The following PPP1CB variants were observed in gnomAD, a reference collection of about 807,000 sequenced individuals.
PPP1CB encodes the protein serine/threonine-protein phosphatase PP1-beta catalytic subunit.
A neutral mutation model predicts 43.7 loss-of-function variants in PPP1CB; 2 were observed. The ratio of observed to expected loss-of-function variants is 0.05; its 90% CI spans 0.02 to 0.14. PPP1CB has a LOEUF of 0.14. Ranked by LOEUF, PPP1CB falls within the 10% of genes least tolerant of loss-of-function variation. The pLI is 1.00. For synonymous variants in PPP1CB, 136 were observed against 135.6 expected (o/e 1.00, Z -0.02); for missense variants, 84 against 398.0 (o/e 0.21, Z 6.71).
rs1174044949 is a variant in PPP1CB, at chr2:28,799,451, T to G, written c.*148T>G. 5.2e-6 allele frequency: 3 copies of G among 582,274 alleles called. No individual in the cohort carries two copies. The highest frequency in any genetic ancestry group is 9.0e-6 in the Non-Finnish European group (3 of 334,558). 36.1% of individuals were successfully genotyped at this position (582,274 alleles called of 1,614,324 possible). On this transcript the variant is annotated 3_prime_UTR_variant, in exon 8 of 8. Coordinates refer to ENST00000395366, the MANE Select transcript of PPP1CB (RefSeq NM_002709.3). ...GGAGACGGGTAAAGGATCTTAAATT[T>G]TTTTCTAATAGAAAGATGTGCTACA...
chr2:28,784,783 G>A (rs1667224598), intron 5 of PPP1CB, among the ~76,000 whole-genome samples: 1 of 151,554 alleles, frequency 6.6e-6, no homozygotes, highest in African/African-American at 2.4e-5. Context: ...AGCTGGGCAT[G>A]GTGGTGCGTT....
At chr2:28,761,004 G>A (rs894451124) in intron 1 of PPP1CB, among the ~76,000 whole-genome samples, 4 of 152,230 alleles carry the variant, frequency 2.6e-5, no homozygotes, top group South Asian at 2.1e-4. Flanking sequence ...GGGTTCTAGC[G>A]ATTCTCCTGC....
At chr2:28,792,802 C>G (rs962034008) in intron 6 of PPP1CB, among the ~76,000 whole-genome samples, 3 of 151,940 alleles carry the variant, frequency 2.0e-5, no homozygotes, top group Admixed American at 2.0e-4. Context: ...GTAATCTTGC[C>G]CACCGTAAAT....
intron 1 of PPP1CB, among the ~76,000 whole-genome samples, chr2:28,760,692 T>C (rs1666622196): frequency 1.3e-5 from 2 of 152,204 alleles, no homozygotes; most frequent in Admixed American, 1.3e-4. Context: ...ATCTAAGTTT[T>C]CATAATAAAA....
intron 1 of PPP1CB, among the ~76,000 whole-genome samples, chr2:28,767,524 A>T (rs77858970): frequency 0.027 from 4,089 of 152,296 alleles, 97 homozygotes; most frequent in East Asian, 0.068. Context: ...AAAATGTTGC[A>T]GTACAGCAAT....
intron 1 of PPP1CB, among the ~76,000 whole-genome samples, chr2:28,752,824 C>G (rs4666119): frequency 0.66 from 100,780 of 152,142 alleles, 33,584 homozygotes; most frequent in South Asian, 0.74. Flanking sequence ...GAAGATGCAC[C>G]TAAGAAATGT....
At chr2:28,794,815 G>A (rs146094266) in intron 7 of PPP1CB, among the ~76,000 whole-genome samples, 15 of 152,020 alleles carry the variant, frequency 9.9e-5, no homozygotes, top group African/African-American at 3.6e-4. Flanking sequence ...TACCATGTAC[G>A]GGGGGTTGTT....
chr2:28,799,193 T>C lies in PPP1CB; in HGVS notation c.880-6T>C. On this transcript the variant is annotated splice_polypyrimidine_tract_variant and splice_region_variant and intron_variant, in intron 7 of 7. Transcript: ENST00000395366. ...ATAACATTATTTGTTAATAATTTAC[T>C]TTAAGATATTGAAACCATCTGAAAA... 1.3e-6 allele frequency: 2 copies of C among 1,523,562 alleles called. No homozygotes were observed. The highest frequency in any genetic ancestry group is 1.4e-5 in the African/African-American group (1 of 72,176). The allele number at this position is 1,523,562 out of a possible 1,614,324, so 94.4% of individuals were successfully genotyped here. A position where few individuals can be genotyped will look rare whatever the true frequency, so the allele number is the denominator to read the frequency against.
intron 1 of PPP1CB, among the ~76,000 whole-genome samples, chr2:28,753,143 G>C (rs1666373498): frequency 6.6e-6 from 1 of 152,150 alleles, no homozygotes; most frequent in Non-Finnish European, 1.5e-5. Context: ...CTACCCTAAA[G>C]TTTTCGTCAT....
intron 1 of PPP1CB, among the ~76,000 whole-genome samples, chr2:28,757,725 A>G (rs1666526689): frequency 6.6e-6 from 1 of 152,130 alleles, no homozygotes; most frequent in African/African-American, 2.4e-5. Context: ...ACTGATTCAG[A>G]GATTAGGTGT....
chr2:28,793,964 G>A lies in PPP1CB; in HGVS notation c.846G>A (p.Met282Ile). The A allele has an allele frequency of 6.2e-7, 1 of 1,614,034 alleles. No individual in the cohort carries two copies. The highest frequency in any genetic ancestry group is 8.5e-7 in the Non-Finnish European group (1 of 1,179,932). The change falls in exon 7 of 8, where the codon ATG becomes ATA. Residue 282 changes from methionine to isoleucine, a missense_variant. Physicochemically the swap from Met to Ile is conservative, Grantham distance 10. Around this residue, in one of 5 missense-constraint regions of PPP1CB, gnomAD observed 4 missense variants for 72.9 expected, o/e 0.05. Coordinates refer to ENST00000395366, the MANE Select transcript of PPP1CB (RefSeq NM_002709.3). ...AGTTTGATAATGCTGGTGGAATGAT[G>A]AGTGTGGATGAAACTTTGATGTGTT... ...CGEFDNAGGM[M>I]SVDETLMCSF...
At chr2:28,765,625 G>C (rs1666763169) in intron 1 of PPP1CB, among the ~76,000 whole-genome samples, 1 of 152,238 alleles carries the variant, frequency 6.6e-6, no homozygotes, top group African/African-American at 2.4e-5. Context: ...TATGTATAAA[G>C]CAGTTTGCTG....
At chr2:28,797,293 TA>T (rs1175165969) in intron 7 of PPP1CB, among the ~76,000 whole-genome samples, 1 of 152,160 alleles carries the variant, frequency 6.6e-6, no homozygotes, top group Non-Finnish European at 1.5e-5. Flanking sequence ...TAGACTGAGT[TA>T]GGGGGGAGGT....
rs1558307642 is a variant in PPP1CB at position 28,785,064 on chromosome 2, GC to G, written c.592+1087del. 3.0e-4 allele frequency among the ~76,000 whole-genome samples: 28 copies of G among 93,814 alleles called. No individual in the cohort carries two copies. In the South Asian group the frequency reaches 0.01, roughly 34 times the overall value. 61.5% of individuals were successfully genotyped at this position (93,814 alleles called of 152,430 possible). On this transcript the variant is annotated intron_variant, in intron 5 of 7. Coordinates refer to ENST00000395366, the MANE Select transcript of PPP1CB (RefSeq NM_002709.3). ...TATGTTGTAATAAATTGTGTTAGGA[GC>G]TTTTTTTTTTTTTTTTTTTTTTTTT... is the stretch of plus-strand genomic sequence containing the variant.
intron 1 of PPP1CB, among the ~76,000 whole-genome samples, chr2:28,767,041 A>G (rs1666793020): frequency 2.0e-5 from 3 of 151,830 alleles, no homozygotes; most frequent in Admixed American, 2.0e-4. Flanking sequence ...AGATCACACC[A>G]CTGCAGTCCA....
At chr2:28,771,580 C>A (rs1431777351) in intron 1 of PPP1CB, among the ~76,000 whole-genome samples, 1 of 152,078 alleles carries the variant, frequency 6.6e-6, no homozygotes, top group Non-Finnish European at 1.5e-5. Flanking sequence ...CAGACCTGTT[C>A]CTGTATGGTC....
chr2:28,752,564 G>T (rs1666341391), intron 1 of PPP1CB, among the ~76,000 whole-genome samples: 1 of 152,192 alleles, frequency 6.6e-6, no homozygotes, highest in Non-Finnish European at 1.5e-5. Flanking sequence ...TTGTGCGTCC[G>T]TGGAATCACT....
chr2:28,792,455 G>A (rs1667408576), intron 6 of PPP1CB, among the ~76,000 whole-genome samples: 1 of 152,112 alleles, frequency 6.6e-6, no homozygotes, highest in Non-Finnish European at 1.5e-5. Flanking sequence ...CCAGGAAGTT[G>A]TGACTGCAGT....
chr2:28,766,158 T>C (rs772281546), intron 1 of PPP1CB, among the ~76,000 whole-genome samples: 1 of 152,158 alleles, frequency 6.6e-6, no homozygotes, highest in Non-Finnish European at 1.5e-5. Flanking sequence ...TTGGTAATAG[T>C]GATTGAGGGT....
Sources: allele counts gnomAD v4.1 joint callset (sites outside exome capture counted in the v4.1 genomes callset), GRCh38; gene constraint gnomAD v4.1.1; regional missense constraint gnomAD v4.1.1; transcripts MANE v1.5; gene names NCBI Gene and HGNC (gene_info 2026-07-23, HGNC 2026-07-21).